Variants in GOLGA1 observed in about 807,000 individuals in gnomAD.
The protein encoded by GOLGA1 is golgin A1.
Under a neutral mutation model 119.7 loss-of-function variants are expected in GOLGA1, and 63 were observed. That is an observed-to-expected ratio of 0.53 (90% CI 0.43 to 0.65). GOLGA1 has a LOEUF of 0.65. Among genes scored for constraint, GOLGA1 ranks in the 30% least tolerant of loss-of-function variants. The pLI, the probability that GOLGA1 is intolerant of heterozygous loss-of-function variation, is 0.00. For synonymous variants in GOLGA1, 318 were observed against 333.4 expected (o/e 0.95, Z 0.50); for missense variants, 798 against 912.8 (o/e 0.87, Z 1.62).
At chr9:124,939,550 C>CTTTCTTTTTTT (rs1830954280) in intron 2 of GOLGA1, among the ~76,000 whole-genome samples, 4 of 81,838 alleles carry the variant, frequency 4.9e-5, no homozygotes, top group Non-Finnish European at 7.1e-5. Flanking sequence ...TTCTTTCTTT[C>CTTTCTTTTTTT]TTTTTTTTTT....
chr9:124,893,551 C>T (rs1030656226), intron 15 of GOLGA1, among the ~76,000 whole-genome samples: 3 of 152,130 alleles, frequency 2.0e-5, no homozygotes, highest in African/African-American at 7.2e-5. Flanking sequence ...TCCTGGGCCA[C>T]CCCGTGTCCT....
intron 3 of GOLGA1, among the ~76,000 whole-genome samples, chr9:124,934,913 G>A (rs963918851): frequency 5.3e-5 from 8 of 152,102 alleles, no homozygotes; most frequent in South Asian, 2.1e-4. Flanking sequence ...TGGGTGTGGC[G>A]GCACGTGCCT....
chr9:124,927,420 A>T (rs1229044679), intron 6 of GOLGA1, among the ~76,000 whole-genome samples: 1 of 152,168 alleles, frequency 6.6e-6, no homozygotes, highest in Non-Finnish European at 1.5e-5. Context: ...GTATTGGTAA[A>T]TTGTATTTTT....
chr9:124,909,074 C>A (rs1041551554), intron 11 of GOLGA1, among the ~76,000 whole-genome samples: 1 of 152,162 alleles, frequency 6.6e-6, no homozygotes, highest in Admixed American at 6.6e-5. Flanking sequence ...CTTTGGGAGG[C>A]TGAGGCAGGC....
intron 11 of GOLGA1, among the ~76,000 whole-genome samples, chr9:124,911,578 C>T (rs1269543408): frequency 1.3e-5 from 2 of 152,212 alleles, no homozygotes; most frequent in African/African-American, 4.8e-5. Context: ...CTGCAGAGTA[C>T]AAAATGGTGG....
chr9:124,928,659 A>C (rs1830716494), intron 5 of GOLGA1, among the ~76,000 whole-genome samples: 1 of 152,268 alleles, frequency 6.6e-6, no homozygotes, highest in South Asian at 2.1e-4. Flanking sequence ...AAAAACAAAA[A>C]GAAAAATCAA....
At chr9:124,912,070 T>C (rs1284124170) in intron 10 of GOLGA1, 44 bp from the exon 11 acceptor site, 2 of 1,568,490 alleles carry the variant, frequency 1.3e-6, no homozygotes, top group African/African-American at 1.4e-5. Context: ...AAGCCCTCTC[T>C]TCCTTCCTTC....
At chr9:124,927,372 C>A (rs1288623954) in intron 6 of GOLGA1, among the ~76,000 whole-genome samples, 1 of 152,084 alleles carries the variant, frequency 6.6e-6, no homozygotes, top group Non-Finnish European at 1.5e-5. Context: ...TAGATTATTT[C>A]TTCATTTATA....
intron 11 of GOLGA1, among the ~76,000 whole-genome samples, chr9:124,909,608 C>CAAAAAAA (rs58372596): frequency 1.1e-5 from 1 of 87,280 alleles, no homozygotes; most frequent in African/African-American, 4.3e-5. Flanking sequence ...GACTCCGTCT[C>CAAAAAAA]AAAAAAAAAA....
intron 3 of GOLGA1, among the ~76,000 whole-genome samples, chr9:124,936,202 G>A (rs550079168): frequency 6.6e-6 from 1 of 152,124 alleles, no homozygotes; most frequent in African/African-American, 2.4e-5. Flanking sequence ...CCTTCAGCCC[G>A]ATGCTCAAAT....
intron 10 of GOLGA1, among the ~76,000 whole-genome samples, chr9:124,920,855 G>GAAAAAAAA (rs58458904): frequency 9.0e-6 from 1 of 110,906 alleles, no homozygotes; most frequent in African/African-American, 3.7e-5. Flanking sequence ...CAAAAAAAAA[G>GAAAAAAAA]AAAAAAAAAA....
At position 124,888,042 on chromosome 9, in the gene GOLGA1, G is replaced by T. The variant is rs754508; in HGVS notation, c.1905+211C>A. Among the ~76,000 whole-genome samples the T allele has an allele frequency of 1.6e-4, 24 of 152,004 alleles. No homozygotes were observed. The highest frequency in any genetic ancestry group is 2.4e-4 in the Non-Finnish European group (16 of 67,976). On this transcript the variant is annotated intron_variant, in intron 19 of 22. Coordinates refer to ENST00000373555, the MANE Select transcript of GOLGA1 (RefSeq NM_002077.4). This position sits in a 1 kb window ranked among gnomAD's most constrained non-coding sequence, Gnocchi z 4.4. Reference sequence around the variant, plus strand: ...GCCTGACACTTGTCCAGTTCTCCAGGGGGTGGGGAGAAGAGGGCTGGGGAG... The same window carrying T: ...GCCTGACACTTGTCCAGTTCTCCAGTGGGTGGGGAGAAGAGGGCTGGGGAG...
rs1829491195 is a variant in GOLGA1 at position 124,878,329 on chromosome 9, G to T, written c.*2201C>A. The stretch of plus-strand genomic sequence containing the variant: ...AAAATACCAGATTTAATGAGTCAAA[G>T]AAATACTGACACACCAAACTAGTAA... On this transcript the variant is annotated 3_prime_UTR_variant, in exon 23 of 23. Coordinates refer to ENST00000373555, the MANE Select transcript of GOLGA1 (RefSeq NM_002077.4). 6.6e-6 allele frequency: 1 copy of T among 152,300 alleles called. No individual in the cohort carries two copies. Among genetic ancestry groups the T allele is most frequent in the South Asian group, 2.1e-4 (1 of 4,834 alleles). 9.4% of individuals were successfully genotyped at this position (152,300 alleles called of 1,614,324 possible). A position where few individuals can be genotyped will look rare whatever the true frequency, so the allele number is the denominator to read the frequency against.
At chr9:124,932,214 A>C (rs1830782118) in intron 3 of GOLGA1, among the ~76,000 whole-genome samples, 1 of 152,254 alleles carries the variant, frequency 6.6e-6, no homozygotes, top group South Asian at 2.1e-4. Context: ...TACTCCAAAA[A>C]TTAAGGCTAT....
chr9:124,908,337 AC>A (rs762781698), intron 12 of GOLGA1, 39 bp downstream of exon 12: 12 of 1,054,630 alleles, frequency 1.1e-5, no homozygotes, highest in Admixed American at 1.7e-5. Flanking sequence ...CAGCCAGGTT[AC>A]CACCCAAACT....
At chr9:124,944,466 A>ATTTTTTTTTTTTTTTTTTTT (rs71374207), upstream of GOLGA1, 2 of 84,726 alleles carry the variant, frequency 2.4e-5, no homozygotes, top group Non-Finnish European at 4.2e-5. Context: ...TGCCTGGCTA[A>ATTTTTTTTTTTTTTTTTTTT]TTTTTTTTTT....
intron 16 of GOLGA1, 37 bp downstream of exon 16, chr9:124,890,352 A>G (rs1003883682): frequency 2.2e-6 from 3 of 1,369,472 alleles, no homozygotes; most frequent in African/African-American, 2.8e-5. Flanking sequence ...GTGGGACTGC[A>G]GGGGGACATC....
chr9:124,901,011 G>A (rs1305264815), intron 12 of GOLGA1, among the ~76,000 whole-genome samples: 11 of 140,806 alleles, frequency 7.8e-5, no homozygotes, highest in Admixed American at 5.3e-4. Flanking sequence ...TTGCTCTGTC[G>A]CCCAGGCTGG....
At chr9:124,892,751 G>A (rs575917821) in intron 15 of GOLGA1, among the ~76,000 whole-genome samples, 1 of 152,108 alleles carries the variant, frequency 6.6e-6, no homozygotes, top group East Asian at 1.9e-4. Flanking sequence ...TGACCAACAT[G>A]GAGAAACCCC....
Sources: gnomAD v4.1 joint callset for allele counts (sites outside exome capture counted in the v4.1 genomes callset) on GRCh38, gnomAD v4.1.1 for gene constraint, Gnocchi (gnomAD v3.1) non-coding constraint, MANE v1.5 for transcripts, NCBI Gene and HGNC (gene_info 2026-07-23, HGNC 2026-07-21) for gene names.